FGF12: variants seen among roughly 807,000 people sequenced by gnomAD.
The protein encoded by FGF12 is fibroblast growth factor 12, also known as fibroblast growth factor 12B.
FGF12 carries 14 observed loss-of-function variants against 23.6 expected under a neutral mutation model. The ratio of observed to expected loss-of-function variants is 0.59; its 90% CI spans 0.39 to 0.93. The LOEUF is 0.93. Among genes scored for constraint, FGF12 ranks in the 40% least tolerant of loss-of-function variants. The pLI is 0.00. For missense variants in FGF12, 175 were observed against 217.8 expected (o/e 0.80, Z 1.24); for synonymous variants, 62 against 77.3 (o/e 0.80, Z 1.04).
chr3:192,386,074 A>G (rs998548300), intron 2 of FGF12, among the ~76,000 whole-genome samples: 4 of 152,246 alleles, frequency 2.6e-5, no homozygotes, highest in African/African-American at 9.6e-5. Context: ...AGAATATGGT[A>G]AGTTTTCAAT....
chr3:192,644,015 C>T (rs1715903592), intron 2 of FGF12, among the ~76,000 whole-genome samples: 1 of 152,196 alleles, frequency 6.6e-6, no homozygotes, highest in South Asian at 2.1e-4. Context: ...GGCTGAACTT[C>T]CAGCCTTACA....
rs1719260569 is a variant in FGF12 at position 192,727,435 on chromosome 3, T to C, written c.-131+49A>G. On this transcript the variant is annotated intron_variant, in intron 1 of 5. Transcript: ENST00000445105. ...ATACGTTGCGACGCGCATCTGATAC[T>C]GAAATGCATGCACAGTGCCCGCTCA... 9 of 1,102,338 alleles carry C rather than the reference T, an allele frequency of 8.2e-6. No homozygotes were observed. The East Asian group carries it at 2.4e-4, about 29-fold the overall frequency. The allele number at this position is 1,102,338 out of a possible 1,614,324, so 68.3% of individuals were successfully genotyped here.
rs1355530427 is a variant in FGF12, at chr3:192,287,485, G to C, written c.228+47876C>G. ...AATGTGTTTAGCTATCTGGTCTGTT[G>C]CATCAAAGCAGACTAGAAGCAGCAA... On this transcript the variant is annotated intron_variant, in intron 4 of 5. Transcript: ENST00000445105. Among the ~76,000 whole-genome samples the C allele has an allele frequency of 2.6e-5, 4 of 152,024 alleles. No homozygotes were observed. The East Asian group carries it at 7.7e-4, about 29-fold the overall frequency.
chr3:192,693,918 C>CA (rs1560196599), intron 2 of FGF12, among the ~76,000 whole-genome samples: 4 of 151,892 alleles, frequency 2.6e-5, no homozygotes, highest in African/African-American at 9.7e-5. Flanking sequence ...CTACATTAAA[C>CA]AAAAAAATTT....
chr3:192,680,239 A>G (rs1333195193), intron 2 of FGF12, among the ~76,000 whole-genome samples: 1 of 152,222 alleles, frequency 6.6e-6, no homozygotes, highest in African/African-American at 2.4e-5. Flanking sequence ...CTTATTTTGA[A>G]CAAAGAGCTA....
chr3:192,693,215 A>G (rs1020211876), intron 2 of FGF12, among the ~76,000 whole-genome samples: 1 of 152,200 alleles, frequency 6.6e-6, no homozygotes, highest in Admixed American at 6.5e-5. Flanking sequence ...AATGGTTAGA[A>G]ATAAATTCAA....
chr3:192,488,470 A>ACT (rs1723703767), intron 2 of FGF12, among the ~76,000 whole-genome samples: 1 of 152,070 alleles, frequency 6.6e-6, no homozygotes, highest in African/African-American at 2.4e-5. Flanking sequence ...ACTCAGCATA[A>ACT]AATGAAAATC....
chr3:192,688,433 T>C (rs1342888457), intron 2 of FGF12, among the ~76,000 whole-genome samples: 3 of 152,192 alleles, frequency 2.0e-5, no homozygotes, highest in Non-Finnish European at 4.4e-5. Context: ...AATGCACGCA[T>C]CAAATGCTAC....
At chr3:192,475,368 C>T (rs1392732016) in intron 2 of FGF12, among the ~76,000 whole-genome samples, 1 of 152,112 alleles carries the variant, frequency 6.6e-6, no homozygotes, top group Non-Finnish European at 1.5e-5. Context: ...AATCTATAAA[C>T]GGAATGACTG....
At chr3:192,543,453 A>G (rs370594838) in intron 2 of FGF12, among the ~76,000 whole-genome samples, 2 of 151,902 alleles carry the variant, frequency 1.3e-5, no homozygotes, top group African/African-American at 4.8e-5. Flanking sequence ...CCATTCAAGA[A>G]CCAAGGCCCA....
At position 192,329,824 on chromosome 3, in the gene FGF12, T is replaced by C. The variant is rs1000958716; in HGVS notation, c.228+5537A>G. ...CTGTCTATGTATAAGGTAAAATTTG[T>C]AGAAAAATCTGTTTCAACAGATTGT... is the stretch of plus-strand genomic sequence containing the variant. On this transcript the variant is annotated intron_variant, in intron 4 of 5. Transcript: ENST00000445105. Among the ~76,000 whole-genome samples the C allele has an allele frequency of 2.0e-5, 3 of 152,296 alleles. No individual in the cohort carries two copies. In the South Asian group the frequency reaches 6.2e-4, roughly 32 times the overall value.
At chr3:192,308,646 C>T (rs974372290) in intron 4 of FGF12, among the ~76,000 whole-genome samples, 1 of 151,436 alleles carries the variant, frequency 6.6e-6, no homozygotes, top group Non-Finnish European at 1.5e-5. Context: ...CACCATTGCA[C>T]TCCAGCCTGG....
At chr3:192,667,978 A>C (rs1160087089) in intron 2 of FGF12, among the ~76,000 whole-genome samples, 1 of 152,186 alleles carries the variant, frequency 6.6e-6, no homozygotes, top group Non-Finnish European at 1.5e-5. Context: ...GGGATATAAT[A>C]ATGTATACAT....
intron 2 of FGF12, among the ~76,000 whole-genome samples, chr3:192,474,283 C>A (rs1723254116): frequency 6.6e-6 from 1 of 152,142 alleles, no homozygotes. Context: ...TTGTTTTTGT[C>A]AGTTCAGAAT....
intron 4 of FGF12, among the ~76,000 whole-genome samples, chr3:192,239,871 A>C (rs1412057499): frequency 6.6e-6 from 1 of 152,246 alleles, no homozygotes; most frequent in Non-Finnish European, 1.5e-5. Context: ...GGGTAACCCA[A>C]GTCACAACTA....
chr3:192,556,004 A>C (rs2108589939), intron 2 of FGF12, among the ~76,000 whole-genome samples: 1 of 152,272 alleles, frequency 6.6e-6, no homozygotes, highest in East Asian at 1.9e-4. Context: ...AAAGGTATCT[A>C]TAAAAGATGC....
intron 2 of FGF12, among the ~76,000 whole-genome samples, chr3:192,437,493 C>G (rs1025258581): frequency 6.6e-6 from 1 of 152,090 alleles, no homozygotes; most frequent in South Asian, 2.1e-4. Context: ...GAGTTCAAAA[C>G]CAGCCTGACC....
At chr3:192,177,517 A>G (rs986772593) in intron 4 of FGF12, among the ~76,000 whole-genome samples, 1 of 152,238 alleles carries the variant, frequency 6.6e-6, no homozygotes, top group African/African-American at 2.4e-5. Context: ...AGCACTTGGT[A>G]GCACTGTATA....
intron 3 of FGF12, among the ~76,000 whole-genome samples, chr3:192,350,944 AG>A (rs1440915814): frequency 2.6e-5 from 4 of 152,176 alleles, no homozygotes; most frequent in African/African-American, 4.8e-5. Context: ...TTATTGCAAG[AG>A]TCCATACAAA....
Sources: gnomAD v4.1 joint callset for allele counts (sites outside exome capture counted in the v4.1 genomes callset) on GRCh38, gnomAD v4.1.1 for gene constraint, MANE v1.5 for transcripts, NCBI Gene and HGNC (gene_info 2026-07-23, HGNC 2026-07-21) for gene names.